Variants in CDK19 observed in about 807,000 individuals in gnomAD.
CDK19 encodes the protein cyclin-dependent kinase 19.
Under a neutral mutation model 68.3 loss-of-function variants are expected in CDK19, and 20 were observed. The ratio of observed to expected loss-of-function variants is 0.29; its 90% CI spans 0.21 to 0.43. The LOEUF is 0.43. Ranked by LOEUF, CDK19 falls within the 20% of genes least tolerant of loss-of-function variation. The pLI, the probability that CDK19 is intolerant of heterozygous loss-of-function variation, is 1.00. For missense variants in CDK19, 339 were observed against 623.5 expected, an observed-to-expected ratio of 0.54 and a Z score of 4.86; for synonymous variants, 221 against 222.8, an observed-to-expected ratio of 0.99 and a Z score of 0.07.
chr6:110,691,938 GC>G (rs1012276373), intron 2 of CDK19, among the ~76,000 whole-genome samples: 17 of 151,066 alleles, frequency 1.1e-4, no homozygotes, highest in African/African-American at 3.6e-4. Context: ...GAGCCACTGT[GC>G]CCGGCCCCCC....
intron 1 of CDK19, among the ~76,000 whole-genome samples, chr6:110,751,877 C>T (rs1583021877): frequency 6.6e-6 from 1 of 151,186 alleles, no homozygotes; most frequent in South Asian, 2.1e-4. Flanking sequence ...AAAAAAAAGA[C>T]ATTCTTCAAA....
intron 1 of CDK19, among the ~76,000 whole-genome samples, chr6:110,790,232 T>G (rs1296285): frequency 0.16 from 23,789 of 152,148 alleles, 2,076 homozygotes; most frequent in East Asian, 0.32. Context: ...GATTTTTAAG[T>G]TTTTAATTAT....
intron 1 of CDK19, among the ~76,000 whole-genome samples, chr6:110,793,395 C>A (rs1406644270): frequency 2.6e-5 from 4 of 152,062 alleles, no homozygotes; most frequent in Non-Finnish European, 5.9e-5. Context: ...AGGACAACAT[C>A]AGCATTATAA....
intron 2 of CDK19, among the ~76,000 whole-genome samples, chr6:110,711,890 C>G (rs1774970789): frequency 6.6e-6 from 1 of 152,214 alleles, no homozygotes; most frequent in Non-Finnish European, 1.5e-5. Flanking sequence ...ATTGCCTGAA[C>G]CCAGGCTGGG....
intron 4 of CDK19, among the ~76,000 whole-genome samples, chr6:110,639,978 C>G (rs1198689891): frequency 6.6e-6 from 1 of 152,036 alleles, no homozygotes; most frequent in Non-Finnish European, 1.5e-5. Context: ...TTTGGGAGAC[C>G]GAGGCGGGAG....
At position 110,787,518 on chromosome 6, in the gene CDK19, C is replaced by T. The variant is rs979824842; in HGVS notation, c.128+27491G>A. ...CTGGAGTGCAGTGGAACAATCACAG[C>T]TCACTGTAGCCTCTACCTCCTGGGC... On this transcript the variant is annotated intron_variant, in intron 1 of 12. Transcript: ENST00000368911. 5.3e-5 allele frequency among the ~76,000 whole-genome samples: 8 copies of T among 151,952 alleles called. No homozygotes were observed. In the East Asian group the frequency reaches 1.5e-3, roughly 29 times the overall value.
At chr6:110,699,185 G>T (rs1247526597) in intron 2 of CDK19, among the ~76,000 whole-genome samples, 2 of 152,102 alleles carry the variant, frequency 1.3e-5, no homozygotes, top group Admixed American at 6.6e-5. Flanking sequence ...AGCACTCTGG[G>T]AGGCCAAGGC....
In CDK19 at chr6:110,621,186, T is replaced by C; in HGVS notation, c.1295A>G (p.Asn432Ser). ...GLQHSQDSSLNQVPPNKKPRL... is the reference protein window; with the variant it reads ...GLQHSQDSSLSQVPPNKKPRL... ...TGGCTTCTTGTTTGGAGGCACCTGG[T>C]TCAGGCTGGAGTCCTGGCTGTGCTG... is the stretch of plus-strand genomic sequence containing the variant. The change falls in exon 12 of 13, where the codon AAC (asparagine) becomes AGC (serine). Residue 432 changes from asparagine to serine, a missense_variant. By Grantham distance (46) the Asn-to-Ser change is conservative (BLOSUM62 1). Around this residue, in one of 4 missense-constraint regions of CDK19, gnomAD observed 155 missense variants for 222.7 expected, o/e 0.70. Transcript: ENST00000368911. The surrounding 1 kb of genome is among the most constrained non-coding windows in gnomAD (Gnocchi z 5.4). The C allele has an allele frequency of 3.7e-6, 6 of 1,614,140 alleles. No homozygotes were observed. Among genetic ancestry groups the C allele is most frequent in the Non-Finnish European group, 4.2e-6 (5 of 1,180,026 alleles).
intron 6 of CDK19, among the ~76,000 whole-genome samples, chr6:110,629,296 G>A (rs1288746442): frequency 1.3e-5 from 2 of 152,138 alleles, no homozygotes; most frequent in African/African-American, 4.8e-5. Context: ...TGCACCATCT[G>A]TAGCTACTTC....
At chr6:110,780,604 C>T (rs988310863) in intron 1 of CDK19, among the ~76,000 whole-genome samples, 5 of 151,668 alleles carry the variant, frequency 3.3e-5, no homozygotes, top group Admixed American at 2.6e-4. Context: ...TTTTTCAGTA[C>T]GGTTGTTCAG....
intron 1 of CDK19, among the ~76,000 whole-genome samples, chr6:110,750,581 T>C (rs762684782): frequency 2.0e-5 from 3 of 152,196 alleles, no homozygotes; most frequent in Non-Finnish European, 4.4e-5. Flanking sequence ...GAAGATTCTG[T>C]AGCTTATAAA....
intron 4 of CDK19, among the ~76,000 whole-genome samples, chr6:110,655,315 G>A (rs1781239371): frequency 6.6e-6 from 1 of 151,132 alleles, no homozygotes; most frequent in Non-Finnish European, 1.5e-5. Flanking sequence ...GTGGTGAGCC[G>A]AGATCGCGCC....
intron 12 of CDK19, among the ~76,000 whole-genome samples, chr6:110,620,197 A>G (rs937003635): frequency 1.8e-4 from 28 of 152,120 alleles, no homozygotes; most frequent in African/African-American, 6.5e-4. Context: ...TTGTTGAGCT[A>G]TTCAAAATGT....
intron 2 of CDK19, among the ~76,000 whole-genome samples, chr6:110,688,820 G>A (rs1772728403): frequency 6.6e-6 from 1 of 152,212 alleles, no homozygotes. Context: ...CTCAGGCAGT[G>A]GCTGCAGGTT....
At position 110,814,815 on chromosome 6, in the gene CDK19, G is replaced by A. The variant is rs775281804; in HGVS notation, c.128+194C>T. ...ACCGGGCTGCGCCGCGGGAGTTCGAGGTACGCGACGGGGCCGCGCGGGGGA... is the reference window on the plus strand; with the variant it reads ...ACCGGGCTGCGCCGCGGGAGTTCGAAGTACGCGACGGGGCCGCGCGGGGGA... On this transcript the variant is annotated intron_variant, in intron 1 of 12. Transcript: ENST00000368911. 3.1e-5 allele frequency: 23 copies of A among 732,860 alleles called. No homozygotes were observed. The South Asian group carries it at 3.2e-4, about 10-fold the overall frequency. The allele number at this position is 732,860 out of a possible 1,614,324, so 45.4% of individuals were successfully genotyped here.
intron 5 of CDK19, among the ~76,000 whole-genome samples, chr6:110,632,798 A>C (rs1217485667): frequency 6.6e-6 from 1 of 152,258 alleles, no homozygotes; most frequent in African/African-American, 2.4e-5. Context: ...AGGCAGAATT[A>C]GAATCCAGGT....
intron 5 of CDK19, among the ~76,000 whole-genome samples, chr6:110,635,410 CAA>C (rs1358061873): frequency 6.6e-6 from 1 of 152,148 alleles, no homozygotes. Context: ...TTTTGAATAG[CAA>C]AAGAGGAAGG....
intron 2 of CDK19, among the ~76,000 whole-genome samples, chr6:110,703,424 G>A (rs1177441915): frequency 6.6e-6 from 1 of 151,950 alleles, no homozygotes; most frequent in Non-Finnish European, 1.5e-5. Flanking sequence ...TTCTTAGTAT[G>A]ACCAATTTCA....
intron 1 of CDK19, among the ~76,000 whole-genome samples, chr6:110,751,498 C>T (rs1382159420): frequency 1.3e-5 from 2 of 152,068 alleles, no homozygotes; most frequent in Non-Finnish European, 2.9e-5. Flanking sequence ...AGGACTCCTG[C>T]TGATTCTACG....
Sources: gnomAD v4.1 joint callset for allele counts (sites outside exome capture counted in the v4.1 genomes callset) on GRCh38, gnomAD v4.1.1 for gene constraint, gnomAD v4.1.1 regional missense constraint, Gnocchi (gnomAD v3.1) non-coding constraint, MANE v1.5 for transcripts, NCBI Gene and HGNC (gene_info 2026-07-23, HGNC 2026-07-21) for gene names.